DHDH: variants seen among roughly 807,000 people sequenced by gnomAD.
DHDH encodes the protein dihydrodiol dehydrogenase.
Under a neutral mutation model 33.2 loss-of-function variants are expected in DHDH, and 29 were observed. The ratio of observed to expected loss-of-function variants is 0.87; its 90% CI spans 0.65 to 1.19. The LOEUF (loss-of-function observed/expected upper bound fraction) is 1.19. Among genes scored for constraint, DHDH ranks in the 50% most tolerant of loss-of-function variants. DHDH has a pLI of 0.00. For missense variants in DHDH, 431 were observed against 455.0 expected (o/e 0.95, Z 0.48); for synonymous variants, 201 against 187.9 (o/e 1.07, Z -0.57).
intron 3 of DHDH, among the ~76,000 whole-genome samples, chr19:48,938,410 G>GT (rs1448123493): frequency 6.6e-5 from 10 of 151,442 alleles, no homozygotes; most frequent in East Asian, 3.9e-4. Flanking sequence ...AGTTCCAGGA[G>GT]TTTTTTTTTG....
At chr19:48,943,413 A>T (rs1342516198) in intron 5 of DHDH, among the ~76,000 whole-genome samples, 1 of 151,614 alleles carries the variant, frequency 6.6e-6, no homozygotes, top group Non-Finnish European at 1.5e-5. Flanking sequence ...TTTTATAGCC[A>T]GGCATGGTGA....
At chr19:48,938,707 C>T (rs150210185) in intron 3 of DHDH, among the ~76,000 whole-genome samples, 2,414 of 149,228 alleles carry the variant, frequency 0.016, 73 homozygotes, top group African/African-American at 0.057. Flanking sequence ...TGCAACGGTG[C>T]GATCTTCAGC....
chr19:48,934,924 C>T, intron 1 of DHDH, 76 bp from the exon 2 acceptor site: 2 of 1,224,928 alleles, frequency 1.6e-6, no homozygotes, highest in East Asian at 2.9e-5. Context: ...TGGCCAGAGC[C>T]TCCTCCTTTG....
intron 3 of DHDH, among the ~76,000 whole-genome samples, chr19:48,937,173 T>C (rs1319191390): frequency 6.6e-6 from 1 of 151,980 alleles, no homozygotes; most frequent in Admixed American, 6.6e-5. Context: ...GATCATCAGG[T>C]CGTGGATATC....
chr19:48,939,802 A>C, intron 4 of DHDH, 101 bp downstream of exon 4: 2 of 1,459,972 alleles, frequency 1.4e-6, no homozygotes, highest in Non-Finnish European at 9.1e-7. Context: ...GAATTAGATC[A>C]GACACCTAGA....
intron 3 of DHDH, among the ~76,000 whole-genome samples, chr19:48,938,102 T>A (rs534277640): frequency 3.3e-5 from 5 of 150,896 alleles, no homozygotes; most frequent in Non-Finnish European, 7.4e-5. Context: ...TTTGTTGTCA[T>A]TGTTGTTGTT....
chr19:48,933,109 CA>C (rs1275264158), upstream of DHDH, among the ~76,000 whole-genome samples: 4 of 152,208 alleles, frequency 2.6e-5, no homozygotes, highest in South Asian at 8.3e-4. Context: ...GTGAGACCTC[CA>C]AAAAATGACC....
At chr19:48,941,903 A>G (rs530627928) in intron 4 of DHDH, among the ~76,000 whole-genome samples, 3 of 151,454 alleles carry the variant, frequency 2.0e-5, no homozygotes, top group Non-Finnish European at 2.9e-5. Flanking sequence ...GAACTCCTGG[A>G]CTCAAGGGAT....
chr19:48,942,037 T>G (rs1420744004), intron 4 of DHDH, among the ~76,000 whole-genome samples: 1 of 150,154 alleles, frequency 6.7e-6, no homozygotes, highest in African/African-American at 2.5e-5. Flanking sequence ...TGATGGAGTC[T>G]CGCTCTGTCG....
intron 6 of DHDH, 51 bp downstream of exon 6, chr19:48,944,558 GC>G: frequency 6.5e-7 from 1 of 1,547,550 alleles, no homozygotes; most frequent in African/African-American, 1.4e-5. Flanking sequence ...GGGATGTTGG[GC>G]CCCTCCCCAC....
chr19:48,939,305 C>A, intron 3 of DHDH, 144 bp from the exon 4 acceptor site: 3 of 945,706 alleles, frequency 3.2e-6, no homozygotes, highest in Non-Finnish European at 4.7e-6. Context: ...GAAGAAAAGT[C>A]AAGAGGGTCA....
chr19:48,933,696 G>A (rs1416335982), upstream of DHDH: 2 of 1,612,120 alleles, frequency 1.2e-6, no homozygotes, highest in East Asian at 2.2e-5. Context: ...AGGGACCGAA[G>A]GTGCCGAGGG....
At chr19:48,942,294 G>T (rs7258272) in intron 4 of DHDH, 146 bp from the exon 5 acceptor site, 2 of 921,130 alleles carry the variant, frequency 2.2e-6, no homozygotes, top group Non-Finnish European at 3.0e-6. Flanking sequence ...GTGAGCCACC[G>T]CGACCAGCCA....
intron 4 of DHDH, among the ~76,000 whole-genome samples, chr19:48,942,027 T>TGTGA (rs1491409027): frequency 7.4e-6 from 1 of 134,644 alleles, no homozygotes; most frequent in Non-Finnish European, 1.7e-5. Flanking sequence ...TGTGTGTGTG[T>TGTGA]GATGGAGTCT....
At chr19:48,943,693 G>A (rs2037898083) in intron 5 of DHDH, among the ~76,000 whole-genome samples, 1 of 152,082 alleles carries the variant, frequency 6.6e-6, no homozygotes, top group Non-Finnish European at 1.5e-5. Context: ...AAGTGTGGTG[G>A]TGCATGCCTG....
chr19:48,940,440 C>G (rs539625335), intron 4 of DHDH, among the ~76,000 whole-genome samples: 69 of 151,240 alleles, frequency 4.6e-4, no homozygotes, highest in African/African-American at 1.6e-3. Flanking sequence ...AGTGCCTGAG[C>G]CACCCAGATG....
At chr19:48,936,272 G>A (rs28534480) in intron 3 of DHDH, 77 bp downstream of exon 3, 1 of 1,459,100 alleles carries the variant, frequency 6.9e-7, no homozygotes, top group Non-Finnish European at 9.1e-7. Context: ...GCGCGGACGG[G>A]GTCAGTGCAT....
chr19:48,940,818 T>C (rs982428690), intron 4 of DHDH, among the ~76,000 whole-genome samples: 2 of 152,162 alleles, frequency 1.3e-5, no homozygotes, highest in African/African-American at 4.8e-5. Context: ...ATGGTGCCAC[T>C]GCATTCCAGC....
At chr19:48,941,726 T>C (rs931039673) in intron 4 of DHDH, among the ~76,000 whole-genome samples, 1 of 149,374 alleles carries the variant, frequency 6.7e-6, no homozygotes, top group Non-Finnish European at 1.5e-5. Context: ...TTAGGCTGAG[T>C]GCAGTGGCAC....
Sources: gnomAD v4.1 joint callset for allele counts (sites outside exome capture counted in the v4.1 genomes callset) on GRCh38, gnomAD v4.1.1 for gene constraint, MANE v1.5 for transcripts, NCBI Gene and HGNC (gene_info 2026-07-23, HGNC 2026-07-21) for gene names.